SLC39A10: variants seen among roughly 807,000 people sequenced by gnomAD.
The protein encoded by SLC39A10 is solute carrier family 39 member 10, also known as zinc transporter ZIP10.
In SLC39A10, 13 loss-of-function variants were observed where a neutral mutation model predicts 65.1. That is an observed-to-expected ratio of 0.20 (90% CI 0.13 to 0.32). The LOEUF (loss-of-function observed/expected upper bound fraction) is 0.32, where lower values mean the gene tolerates loss of function less well. Ranked by LOEUF, SLC39A10 falls within the 10% of genes least tolerant of loss-of-function variation. SLC39A10 has a pLI of 1.00. For synonymous variants in SLC39A10, 321 were observed against 342.2 expected (o/e 0.94, Z 0.68); for missense variants, 831 against 1,018.4 (o/e 0.82, Z 2.50).
Position 195,680,107 on chromosome 2 carries a change from G to A in SLC39A10, c.65G>A (p.Cys22Tyr). ...TTGCTGACATTTATTTTTCATCATT[G>A]CAACCATTGCCATGAAGAACATGAC... is the stretch of plus-strand genomic sequence containing the variant. ...ICLLTFIFHH[C>Y]NHCHEEHDHG... The change falls in exon 2 of 10, where the codon TGC becomes TAC. Residue 22 changes from cysteine (C) to tyrosine (Y), a missense_variant. Physicochemically the swap from Cys to Tyr is radical, Grantham distance 194 (BLOSUM62 -2). Coordinates refer to ENST00000359634, the MANE Select transcript of SLC39A10 (RefSeq NM_020342.3). The A allele has an allele frequency of 5.6e-6, 9 of 1,610,734 alleles. No individual in the cohort carries two copies. Among genetic ancestry groups the A allele is most frequent in the Non-Finnish European group, 7.6e-6 (9 of 1,179,238 alleles).
intron 2 of SLC39A10, among the ~76,000 whole-genome samples, chr2:195,631,063 C>T (rs961943630): frequency 6.6e-6 from 1 of 151,982 alleles, no homozygotes; most frequent in Non-Finnish European, 1.5e-5. Flanking sequence ...GTGGCAGGCA[C>T]CTGTAATTCC....
chr2:195,732,718 C>G (rs1281054353), intron 9 of SLC39A10, among the ~76,000 whole-genome samples: 2 of 152,130 alleles, frequency 1.3e-5, no homozygotes, highest in Non-Finnish European at 2.9e-5. Context: ...AGGAAGCTGT[C>G]AGTTTGAAGG....
chr2:195,724,689 A>T (rs970673764), intron 8 of SLC39A10, among the ~76,000 whole-genome samples: 1 of 152,216 alleles, frequency 6.6e-6, no homozygotes. Context: ...ATGAAGAGCT[A>T]TACCAGGTTC....
chr2:195,628,331 A>G (rs1688516378), intron 2 of SLC39A10, among the ~76,000 whole-genome samples: 1 of 152,232 alleles, frequency 6.6e-6, no homozygotes, highest in Admixed American at 6.5e-5. Flanking sequence ...TTCCCTTAGG[A>G]AAGTTTAAGA....
At chr2:195,673,692 G>A (rs753349116) in intron 1 of SLC39A10, among the ~76,000 whole-genome samples, 3 of 152,084 alleles carry the variant, frequency 2.0e-5, no homozygotes, top group South Asian at 2.1e-4. Context: ...AGTAGGTCTG[G>A]GTGGGATGCA....
chr2:195,736,233 A>G lies in SLC39A10; in HGVS notation c.*1192A>G, dbSNP rs1692599714. On this transcript the variant is annotated 3_prime_UTR_variant, in exon 10 of 10. Coordinates refer to ENST00000359634, the MANE Select transcript of SLC39A10 (RefSeq NM_020342.3). ...CCAAGATATGCTGTTGGTGCCTGATAGGGATTAGTCTTTTAGGTGCCCTGT... is the reference window on the plus strand; with the variant it reads ...CCAAGATATGCTGTTGGTGCCTGATGGGGATTAGTCTTTTAGGTGCCCTGT... 2 of 154,568 alleles carry G rather than the reference A, an allele frequency of 1.3e-5. 1 individual carries two copies. The highest frequency in any genetic ancestry group is 4.8e-5 in the African/African-American group (2 of 41,458). The allele number at this position is 154,568 out of a possible 1,614,324, so 9.6% of individuals were successfully genotyped here.
rs534897228 is a variant in SLC39A10, at chr2:195,714,498, CATTT to C, written c.1696+949_1696+952del. Among the ~76,000 whole-genome samples the C allele has an allele frequency of 4.4e-4, 67 of 152,172 alleles. No homozygotes were observed. The East Asian group carries it at 0.011, about 25-fold the overall frequency. ...ATATAAGATGCATCTTGTTTATAAT[CATTT>C]ATTACCTGTGGTAAAGAATGTTGAA... On this transcript the variant is annotated intron_variant, in intron 6 of 9. Coordinates refer to ENST00000359634, the MANE Select transcript of SLC39A10 (RefSeq NM_020342.3).
At chr2:195,717,394 T>C (rs1691858272) in intron 7 of SLC39A10, 1 of 165,064 alleles carries the variant, frequency 6.1e-6, no homozygotes, top group East Asian at 1.8e-4. Flanking sequence ...TTTACAACAT[T>C]GAAAATCCAT....
chr2:195,629,735 A>G (rs1263269389), intron 2 of SLC39A10, among the ~76,000 whole-genome samples: 2 of 152,146 alleles, frequency 1.3e-5, no homozygotes, highest in Non-Finnish European at 2.9e-5. Flanking sequence ...TAGTAAGGCT[A>G]TCAATAACTT....
At chr2:195,727,651 T>C (rs1331814282) in intron 8 of SLC39A10, among the ~76,000 whole-genome samples, 1 of 152,176 alleles carries the variant, frequency 6.6e-6, no homozygotes, top group African/African-American at 2.4e-5. Flanking sequence ...GAGGTCTTGA[T>C]TGTTGGTTAC....
At chr2:195,689,083 G>A (rs1429031551) in intron 3 of SLC39A10, among the ~76,000 whole-genome samples, 3 of 152,192 alleles carry the variant, frequency 2.0e-5, no homozygotes, top group African/African-American at 7.2e-5. Context: ...TGAAAAGACT[G>A]TGATGATTTA....
At chr2:195,734,592 A>G (rs987856153) in intron 9 of SLC39A10, among the ~76,000 whole-genome samples, 10 of 152,208 alleles carry the variant, frequency 6.6e-5, no homozygotes, top group Admixed American at 1.3e-4. Flanking sequence ...GTCAGAATTT[A>G]TAAGGTCAGT....
chr2:195,647,467 C>G (rs1284540018), intron 2 of SLC39A10, among the ~76,000 whole-genome samples: 1 of 151,500 alleles, frequency 6.6e-6, no homozygotes, highest in Non-Finnish European at 1.5e-5. Flanking sequence ...TTCACTTCCC[C>G]AAACTGAAAA....
chr2:195,688,136 G>A (rs190131946), intron 3 of SLC39A10, among the ~76,000 whole-genome samples: 2 of 152,056 alleles, frequency 1.3e-5, no homozygotes. Flanking sequence ...TATTGCATAT[G>A]GTATCTTGGG....
chr2:195,671,124 T>C (rs1689842046), intron 1 of SLC39A10, among the ~76,000 whole-genome samples: 1 of 152,208 alleles, frequency 6.6e-6, no homozygotes, highest in Non-Finnish European at 1.5e-5. Flanking sequence ...ACTACATATT[T>C]AGTTCTGGTT....
intron 1 of SLC39A10, among the ~76,000 whole-genome samples, chr2:195,670,044 A>T (rs1203998139): frequency 1.3e-5 from 2 of 152,088 alleles, no homozygotes; most frequent in Non-Finnish European, 2.9e-5. Context: ...CTGTAGTCCC[A>T]GCTACTCGGG....
chr2:195,680,438 T>C lies in SLC39A10; in HGVS notation c.396T>C (p.His132=), dbSNP rs756745011. 27 of 1,613,996 alleles carry C rather than the reference T, an allele frequency of 1.7e-5. No homozygotes were observed. In the South Asian group the frequency reaches 2.2e-4, roughly 13 times the overall value. Residue 132 remains histidine, a synonymous_variant, in exon 2 of 10, where the codon CAT becomes CAC. Coordinates refer to ENST00000359634, the MANE Select transcript of SLC39A10 (RefSeq NM_020342.3). ...HFHSHNHQHS[H]NHLNSENQTV... is the part of the protein sequence containing the mutation. ...ACTCACATAACCACCAGCATTCCCA[T>C]AATCATTTAAATTCAGAAAATCAAA...
At chr2:195,695,332 G>A (rs1690908986) in intron 3 of SLC39A10, among the ~76,000 whole-genome samples, 1 of 152,166 alleles carries the variant, frequency 6.6e-6, no homozygotes, top group Admixed American at 6.5e-5. Flanking sequence ...TGTTCCCAGG[G>A]GGATTATGGC....
At chr2:195,655,077 A>C (rs1420763622), upstream of SLC39A10, among the ~76,000 whole-genome samples, 1 of 152,210 alleles carries the variant, frequency 6.6e-6, no homozygotes, top group Admixed American at 6.5e-5. Context: ...TGTAACAATT[A>C]GTAAAGAATA....
Sources: allele counts gnomAD v4.1 joint callset (sites outside exome capture counted in the v4.1 genomes callset), GRCh38; gene constraint gnomAD v4.1.1; transcripts MANE v1.5; gene names NCBI Gene and HGNC (gene_info 2026-07-23, HGNC 2026-07-21).